TRIM49C: variants seen among roughly 807,000 people sequenced by gnomAD.
TRIM49C encodes tripartite motif-containing protein 49C.
Under a neutral mutation model 21.4 loss-of-function variants are expected in TRIM49C, and 6 were observed. The ratio of observed to expected loss-of-function variants is 0.28; its 90% CI spans 0.15 to 0.55. TRIM49C has a LOEUF of 0.55. Among genes scored for constraint, TRIM49C ranks in the 20% least tolerant of loss-of-function variants. The pLI, the probability that TRIM49C is intolerant of heterozygous loss-of-function variation, is 0.94. For missense variants in TRIM49C, 161 were observed against 442.4 expected, an observed-to-expected ratio of 0.36 and a Z score of 5.71; for synonymous variants, 57 against 148.1, an observed-to-expected ratio of 0.38 and a Z score of 4.47.
the TRIM49C span, chr11:90,053,395 G>C: frequency 7.0e-6 from 1 of 143,290 alleles, no homozygotes; most frequent in South Asian, 1.9e-4. Flanking sequence ...CGTGGTATCA[G>C]GCGACATTAA....
chr11:90,040,865 T>A (rs865950059), intron 7 of TRIM49C, among the ~76,000 whole-genome samples, 186 bp from the exon 8 acceptor site: 1 of 146,634 alleles, frequency 6.8e-6, no homozygotes, highest in Non-Finnish European at 1.5e-5. Flanking sequence ...AAAAACATAA[T>A]ATCTGTGGTT....
the TRIM49C span, chr11:90,057,880 G>A: frequency 9.7e-5 from 141 of 1,449,520 alleles, 15 homozygotes; most frequent in East Asian, 2.1e-4. Context: ...CTGGAATCTC[G>A]ACAGACTCCC....
the TRIM49C span, among the ~76,000 whole-genome samples, chr11:90,069,929 A>G: frequency 1.6e-5 from 2 of 121,780 alleles, no homozygotes; most frequent in African/African-American, 6.6e-5. Flanking sequence ...ATGTCTGCCT[A>G]TTGACCTCGA....
At chr11:90,071,894 G>C in the TRIM49C span, 1 of 547,826 alleles carries the variant, frequency 1.8e-6, no homozygotes, top group East Asian at 4.4e-5. Flanking sequence ...TAGAAGAAGA[G>C]AATAGTCTGT....
chr11:90,066,947 T>C, the TRIM49C span, among the ~76,000 whole-genome samples: 27 of 137,652 alleles, frequency 2.0e-4, 5 homozygotes, highest in Non-Finnish European at 3.6e-4. Context: ...TTGGTATTTT[T>C]AGTAGAGGTA....
the TRIM49C span, chr11:90,049,965 C>T: frequency 8.1e-6 from 1 of 123,320 alleles, no homozygotes; most frequent in African/African-American, 3.2e-5. Flanking sequence ...GCCTGGCAAT[C>T]CAACAAGGGT....
intron 3 of TRIM49C, 60 bp downstream of exon 3, chr11:90,035,682 A>G (rs1451365764): frequency 3.6e-6 from 5 of 1,374,666 alleles, no homozygotes; most frequent in East Asian, 5.5e-5. Flanking sequence ...CTGTGGGTCT[A>G]TTTTCTTGGA....
chr11:90,071,424 A>G, the TRIM49C span, among the ~76,000 whole-genome samples: 90 of 141,516 alleles, frequency 6.4e-4, 12 homozygotes, highest in Admixed American at 1.1e-3. Flanking sequence ...AGGAGTTGCT[A>G]GAATACAATT....
At chr11:90,055,637 G>A in the TRIM49C span, among the ~76,000 whole-genome samples, 15 of 150,344 alleles carry the variant, frequency 1.0e-4, no homozygotes, top group Admixed American at 2.0e-4. Context: ...TATAGGATGG[G>A]AATAAATGCA....
chr11:90,052,002 C>T, the TRIM49C span: 1 of 1,035,438 alleles, frequency 9.7e-7, no homozygotes, highest in Non-Finnish European at 1.3e-6. Context: ...GCGCTGCCCT[C>T]TTGGGCTGGA....
chr11:90,071,523 G>T, the TRIM49C span, among the ~76,000 whole-genome samples: 1 of 143,260 alleles, frequency 7.0e-6, no homozygotes, highest in Non-Finnish European at 1.5e-5. Flanking sequence ...GTGGCAGTAG[G>T]TTAGAAACGG....
At position 90,033,389 on chromosome 11, in the gene TRIM49C, G is replaced by A. The variant is rs1950700566; in HGVS notation, c.-5+807G>A. 1.5e-5 allele frequency among the ~76,000 whole-genome samples: 2 copies of A among 135,306 alleles called. 1 individual carries two copies. Among genetic ancestry groups the A allele is most frequent in the Non-Finnish European group, 3.2e-5 (2 of 62,596 alleles). 88.8% of individuals were successfully genotyped at this position (135,306 alleles called of 152,430 possible). A position where few individuals can be genotyped will look rare whatever the true frequency, so the allele number is the denominator to read the frequency against. ...TATATGTGTGCAGATACATTCATGG[G>A]CCATTTGAGTCAGCCACAGACCACA... On this transcript the variant is annotated intron_variant, in intron 2 of 7. Coordinates refer to ENST00000448984, the MANE Select transcript of TRIM49C (RefSeq NM_001195234.1).
downstream of TRIM49C, among the ~76,000 whole-genome samples, chr11:90,043,968 T>C (rs1368930374): frequency 1.9e-5 from 1 of 53,592 alleles, no homozygotes; most frequent in East Asian, 7.0e-4. Flanking sequence ...GATGTTCCCC[T>C]TCCTGTGTCC....
At chr11:90,038,624 C>T in intron 5 of TRIM49C, 69 bp from the exon 6 acceptor site, 1 of 631,304 alleles carries the variant, frequency 1.6e-6, no homozygotes. Context: ...GTACAAATCT[C>T]ACACTGAACT....
At position 90,031,150 on chromosome 11, in the gene TRIM49C, A is replaced by G. The variant is rs1215636553; in HGVS notation, c.-285A>G. 1 of 130,968 alleles carries G rather than the reference A, an allele frequency of 7.6e-6. No individual in the cohort carries two copies. Among genetic ancestry groups the G allele is most frequent in the African/African-American group, 2.8e-5 (1 of 36,036 alleles). 8.1% of individuals were successfully genotyped at this position (130,968 alleles called of 1,614,324 possible). ...CTATTGACTTTAAACCAAAGCTTTG[A>G]TTCATGACCACTGGGATCCAGCCAG... On this transcript the variant is annotated 5_prime_UTR_variant, in exon 1 of 8. Coordinates refer to ENST00000448984, the MANE Select transcript of TRIM49C (RefSeq NM_001195234.1).
the TRIM49C span, among the ~76,000 whole-genome samples, chr11:90,072,340 T>C: frequency 6.7e-6 from 1 of 148,786 alleles, no homozygotes; most frequent in Admixed American, 6.8e-5. Flanking sequence ...AACTCCAGGA[T>C]AGATCATGAT....
intron 3 of TRIM49C, 92 bp from the exon 4 acceptor site, chr11:90,035,796 G>A (rs551501155): frequency 7.6e-6 from 4 of 529,346 alleles, no homozygotes; most frequent in Non-Finnish European, 1.2e-5. Context: ...CAAAGGAAAT[G>A]CCATTTACTA....
the TRIM49C span, chr11:90,052,665 C>A: frequency 2.8e-5 from 4 of 143,526 alleles, no homozygotes; most frequent in African/African-American, 1.0e-4. Context: ...TGGCGACATC[C>A]CACGGCAGGG....
At chr11:90,065,643 T>A in the TRIM49C span, among the ~76,000 whole-genome samples, 2 of 141,034 alleles carry the variant, frequency 1.4e-5, 1 homozygote, top group East Asian at 4.4e-4. Context: ...AAAGTTGACT[T>A]AACACAGTTT....
Sources: allele counts gnomAD v4.1 joint callset (sites outside exome capture counted in the v4.1 genomes callset), GRCh38; gene constraint gnomAD v4.1.1; transcripts MANE v1.5; gene names NCBI Gene and HGNC (gene_info 2026-07-23, HGNC 2026-07-21).